RYR3: variants seen among roughly 807,000 people sequenced by gnomAD.
RYR3 encodes brain ryanodine receptor-calcium release channel.
A neutral mutation model predicts 584.3 loss-of-function variants in RYR3; 207 were observed. The observed-to-expected ratio is 0.35, with a 90% CI of 0.32 to 0.40. RYR3 has a LOEUF of 0.40. Among genes scored for constraint, RYR3 ranks in the 10% least tolerant of loss-of-function variants. The probability of loss-of-function intolerance (pLI) is 1.00; values close to 1 mark genes in which losing one functional copy is unlikely to be tolerated. For missense variants in RYR3, 5,616 were observed against 6,089.2 expected (o/e 0.92, Z 2.59); for synonymous variants, 2,416 against 2,248.5 (o/e 1.07, Z -2.11).
chr15:33,854,488 A>G, intron 97 of RYR3, 39 bp downstream of exon 97: 1 of 1,495,304 alleles, frequency 6.7e-7, no homozygotes, highest in Non-Finnish European at 9.0e-7. Flanking sequence ...TCTATACCCC[A>G]GTTCAGGGAT....
chr15:33,664,326 C>T (rs574116308), intron 36 of RYR3, among the ~76,000 whole-genome samples: 1 of 151,960 alleles, frequency 6.6e-6, no homozygotes, highest in Admixed American at 6.5e-5. Context: ...TAGCCTTACC[C>T]CGATGGGAAG....
intron 1 of RYR3, among the ~76,000 whole-genome samples, chr15:33,460,394 C>T (rs1208013150): frequency 6.6e-6 from 1 of 152,230 alleles, no homozygotes; most frequent in Non-Finnish European, 1.5e-5. Context: ...TGGTATGCAA[C>T]TGACTGAAAT....
intron 46 of RYR3, among the ~76,000 whole-genome samples, chr15:33,727,938 C>T (rs960896379): frequency 6.6e-6 from 1 of 152,204 alleles, no homozygotes; most frequent in Non-Finnish European, 1.5e-5. Flanking sequence ...TATTTCCCCA[C>T]TTCACCTTTG....
chr15:33,784,672 A>G (rs1304769778), intron 65 of RYR3, among the ~76,000 whole-genome samples: 1 of 152,174 alleles, frequency 6.6e-6, no homozygotes, highest in Non-Finnish European at 1.5e-5. Context: ...CAGTTAGATC[A>G]ATGGGTGCGT....
At chr15:33,843,045 C>T (rs2078474999) in intron 91 of RYR3, among the ~76,000 whole-genome samples, 1 of 151,698 alleles carries the variant, frequency 6.6e-6, no homozygotes, top group African/African-American at 2.4e-5. Flanking sequence ...GTTGGCCGGG[C>T]ACGGTGGCTC....
intron 65 of RYR3, among the ~76,000 whole-genome samples, chr15:33,781,866 G>GT (rs2074407083): frequency 6.6e-6 from 1 of 151,606 alleles, no homozygotes; most frequent in African/African-American, 2.4e-5. Context: ...AAAAGGGGGG[G>GT]GGGATTTCCA....
chr15:33,433,931 T>C (rs570720000), intron 1 of RYR3, among the ~76,000 whole-genome samples: 1 of 152,332 alleles, frequency 6.6e-6, no homozygotes, highest in Admixed American at 6.5e-5. Flanking sequence ...CACCTAATCA[T>C]TATACTTAAT....
intron 42 of RYR3, among the ~76,000 whole-genome samples, chr15:33,705,101 TTCTCTCTC>T (rs10534581): frequency 0.046 from 6,519 of 142,174 alleles, 243 homozygotes; most frequent in African/African-American, 0.1. Flanking sequence ...CACACACTCT[TTCTCTCTC>T]TCTCTCTCTC....
intron 1 of RYR3, among the ~76,000 whole-genome samples, chr15:33,371,411 C>G (rs1004049955): frequency 6.6e-5 from 10 of 152,208 alleles, no homozygotes; most frequent in African/African-American, 2.2e-4. Context: ...AGCACAGAAA[C>G]ATTTAAACAA....
At chr15:33,760,228 C>T (rs2152865930) in intron 60 of RYR3, among the ~76,000 whole-genome samples, 1 of 152,318 alleles carries the variant, frequency 6.6e-6, no homozygotes, top group African/African-American at 2.4e-5. Context: ...ACTGCATCAA[C>T]TAATGGGCAA....
At chr15:33,832,239 A>G (rs1370326781) in intron 86 of RYR3, among the ~76,000 whole-genome samples, 1 of 144,828 alleles carries the variant, frequency 6.9e-6, no homozygotes, top group African/African-American at 2.5e-5. Flanking sequence ...GCTTGCTGTG[A>G]GCTGAGATCG....
chr15:33,783,448 C>A (rs944250150), intron 65 of RYR3, among the ~76,000 whole-genome samples: 1 of 152,138 alleles, frequency 6.6e-6, no homozygotes, highest in African/African-American at 2.4e-5. Context: ...ATACAAAACA[C>A]CCTGAATCAC....
At chr15:33,845,153 C>T (rs1424644831) in intron 93 of RYR3, 91 bp downstream of exon 93, 362 of 1,386,368 alleles carry the variant, frequency 2.6e-4, no homozygotes, top group Admixed American at 1.8e-5. Flanking sequence ...TAAGACTTTG[C>T]TAGCCGTAAA....
In RYR3 at chr15:33,584,459, C is replaced by A; in HGVS notation, c.1638C>A (p.Ile546=). Residue 546 remains isoleucine, a synonymous_variant, in exon 15 of 104, where the codon ATC becomes ATA. Transcript: ENST00000634891. ...AQFSNNLDWL[I]SKLDRLESSS... is the part of the protein sequence containing the mutation. ...TCTCCAATAACCTTGATTGGCTCAT[C>A]AGTAAATTGGACAGACTAGAATCTT... The A allele has an allele frequency of 6.3e-7, 1 of 1,598,736 alleles. No homozygotes were observed. The highest frequency in any genetic ancestry group is 8.6e-7 in the Non-Finnish European group (1 of 1,167,180).
At chr15:33,597,262 G>T (rs1444764975) in intron 16 of RYR3, among the ~76,000 whole-genome samples, 1 of 152,100 alleles carries the variant, frequency 6.6e-6, no homozygotes. Flanking sequence ...TGTATGCTGG[G>T]CAATACTTAA....
At position 33,595,823 on chromosome 15, in the gene RYR3, A is replaced by T. The variant is rs532519636; in HGVS notation, c.1789-5596A>T. ...TGTAATAATGTAATAACCTTAATTTAAAAAAAAATTTATCTCAGTTTTTTT... is the reference window on the plus strand; with the variant it reads ...TGTAATAATGTAATAACCTTAATTTTAAAAAAAATTTATCTCAGTTTTTTT... On this transcript the variant is annotated intron_variant, in intron 16 of 103. Transcript: ENST00000634891. 1.3e-4 allele frequency among the ~76,000 whole-genome samples: 20 copies of T among 151,818 alleles called. No homozygotes were observed. In the East Asian group the frequency reaches 1.7e-3, roughly 13 times the overall value.
intron 1 of RYR3, among the ~76,000 whole-genome samples, chr15:33,317,799 G>T (rs763780794): frequency 1.4e-4 from 21 of 152,014 alleles, no homozygotes; most frequent in Non-Finnish European, 2.9e-4. Context: ...AGAGTACATT[G>T]CTGACTCTAC....
At chr15:33,783,131 C>T (rs908609317) in intron 65 of RYR3, among the ~76,000 whole-genome samples, 16 of 152,186 alleles carry the variant, frequency 1.1e-4, no homozygotes, top group Admixed American at 8.5e-4. Flanking sequence ...TGAATTCTAA[C>T]GCGCATCAGA....
chr15:33,685,521 A>G (rs1010324929), intron 38 of RYR3, among the ~76,000 whole-genome samples: 1 of 151,974 alleles, frequency 6.6e-6, no homozygotes, highest in Non-Finnish European at 1.5e-5. Flanking sequence ...CCCACTGTCA[A>G]TATTAGATCA....
Sources: allele counts gnomAD v4.1 joint callset (sites outside exome capture counted in the v4.1 genomes callset), GRCh38; gene constraint gnomAD v4.1.1; transcripts MANE v1.5; gene names NCBI Gene and HGNC (gene_info 2026-07-23, HGNC 2026-07-21).